EXOC3L2: variants seen among roughly 807,000 people sequenced by gnomAD.
EXOC3L2 encodes the protein exocyst complex component 3 like 2.
A neutral mutation model predicts 44.4 loss-of-function variants in EXOC3L2; 17 were observed. That is an observed-to-expected ratio of 0.38 (90% CI 0.26 to 0.57). EXOC3L2 has a LOEUF of 0.57. Ranked by LOEUF, EXOC3L2 falls within the 20% of genes least tolerant of loss-of-function variation. EXOC3L2 has a pLI of 0.65. For missense variants in EXOC3L2, 541 were observed against 588.4 expected, an observed-to-expected ratio of 0.92 and a Z score of 0.83; for synonymous variants, 256 against 253.7, an observed-to-expected ratio of 1.01 and a Z score of -0.09.
At chr19:45,225,648 GT>G (rs1969952305) in intron 7 of EXOC3L2, among the ~76,000 whole-genome samples, 1 of 132,382 alleles carries the variant, frequency 7.6e-6, no homozygotes, top group Admixed American at 7.9e-5. Context: ...TTGAGACACA[GT>G]TTTGCTCTTG....
rs562182168 is a variant in EXOC3L2, at chr19:45,241,819, C to T, written c.-16-2758G>A. ...CCAGTCCCTGGGTTCCCACACCTCA[C>T]CTCTGCCTGCTCTGGGTCATCCCTG... On this transcript the variant is annotated intron_variant, in intron 1 of 11. Coordinates refer to ENST00000413988, the MANE Select transcript of EXOC3L2 (RefSeq NM_001382422.1). Among the ~76,000 whole-genome samples the T allele has an allele frequency of 3.5e-4, 54 of 152,354 alleles. No individual in the cohort carries two copies. The Middle Eastern group carries it at 0.01, about 29-fold the overall frequency.
At chr19:45,224,388 G>A (rs1473949617) in intron 8 of EXOC3L2, among the ~76,000 whole-genome samples, 1 of 152,018 alleles carries the variant, frequency 6.6e-6, no homozygotes, top group African/African-American at 2.4e-5. Flanking sequence ...CACTCCCCCT[G>A]CAGTCTCTCT....
At chr19:45,226,999 C>T (rs1188641582) in intron 7 of EXOC3L2, among the ~76,000 whole-genome samples, 7 of 148,424 alleles carry the variant, frequency 4.7e-5, no homozygotes, top group South Asian at 2.1e-4. Context: ...ATGATCTACC[C>T]GCCTCGGCCT....
chr19:45,218,306 T>C lies in EXOC3L2; in HGVS notation c.1733A>G (p.Lys578Arg), dbSNP rs752034260. 6.8e-6 allele frequency: 11 copies of C among 1,606,378 alleles called. No homozygotes were observed. The highest frequency in any genetic ancestry group is 9.3e-6 in the Non-Finnish European group (11 of 1,176,910). ...LFQELQPHFN[K>R]LMRRKWLSSP... Reference sequence around the variant, plus strand: ...GCTCAGCCACTTCCGGCGCATCAGCTTGTTGAAGTGTGGCTGGCAGGGACA... The same window carrying C: ...GCTCAGCCACTTCCGGCGCATCAGCCTGTTGAAGTGTGGCTGGCAGGGACA... The change falls in exon 9 of 12, where the codon AAG (lysine) becomes AGG (arginine). Residue 578 changes from lysine (K) to arginine (R), a missense_variant. Coordinates refer to ENST00000413988, the MANE Select transcript of EXOC3L2 (RefSeq NM_001382422.1).
intron 6 of EXOC3L2, 42 bp downstream of exon 6, chr19:45,227,932 C>A: frequency 6.3e-7 from 1 of 1,595,960 alleles, no homozygotes; most frequent in Non-Finnish European, 8.5e-7. Context: ...CCCTGATGCC[C>A]AACCCCCAGC....
Position 45,212,865 on chromosome 19 carries a change from G to T in EXOC3L2, c.*204C>A, listed in dbSNP as rs765640635. 4.3e-5 allele frequency: 23 copies of T among 538,076 alleles called. No homozygotes were observed. The highest frequency in any genetic ancestry group is 5.8e-5 in the Non-Finnish European group (19 of 329,598). 33.3% of individuals were successfully genotyped at this position (538,076 alleles called of 1,614,324 possible). A position where few individuals can be genotyped will look rare whatever the true frequency, so the allele number is the denominator to read the frequency against. ...TCCTCCGGCCTCAGCCTCCCAAAGT[G>T]TTGGGATTACAGGCATGAGCCACCG... is the stretch of plus-strand genomic sequence containing the variant. On this transcript the variant is annotated 3_prime_UTR_variant, in exon 12 of 12. Coordinates refer to ENST00000413988, the MANE Select transcript of EXOC3L2 (RefSeq NM_001382422.1).
chr19:45,224,964 A>T, intron 7 of EXOC3L2, 51 bp from the exon 8 acceptor site: 1 of 1,486,576 alleles, frequency 6.7e-7, no homozygotes, highest in Admixed American at 2.3e-5. Context: ...TCTCAGCCCA[A>T]CTGCCTAGGC....
intron 10 of EXOC3L2, 130 bp from the exon 11 acceptor site, chr19:45,216,324 C>G (rs922197219): frequency 3.8e-6 from 5 of 1,326,298 alleles, no homozygotes; most frequent in Non-Finnish European, 5.0e-6. Context: ...GCCTGTAATC[C>G]CAGCACTTTG....
intron 11 of EXOC3L2, among the ~76,000 whole-genome samples, chr19:45,213,704 G>C (rs571520876): frequency 5.3e-5 from 8 of 152,174 alleles, no homozygotes; most frequent in African/African-American, 1.9e-4. Context: ...CAGCACTTTG[G>C]GGGGCCAAGG....
In EXOC3L2 at chr19:45,238,788, G is replaced by A. The variant is rs1660861147; in HGVS notation, c.258C>T (p.Arg86=). ...RAGSPGDGQP[R]SFLGRVLVPG... is the part of the protein sequence containing the mutation. ...GTACCAGCACACGGCCCAAGAAAGAGCGGGGCTGCCCATCCCCAGGGCTGC... is the reference window on the plus strand; with the variant it reads ...GTACCAGCACACGGCCCAAGAAAGAACGGGGCTGCCCATCCCCAGGGCTGC... The change falls in exon 2 of 12, where the codon CGC becomes CGT. Residue 86 remains arginine, a synonymous_variant. Coordinates refer to ENST00000413988, the MANE Select transcript of EXOC3L2 (RefSeq NM_001382422.1). The surrounding 1 kb of genome is among the most constrained non-coding windows in gnomAD (Gnocchi z 5.5). 1 of 398,854 alleles carries A rather than the reference G, an allele frequency of 2.5e-6. No individual in the cohort carries two copies. The highest frequency in any genetic ancestry group is 4.4e-5 in the Admixed American group (1 of 22,714). 24.7% of individuals were successfully genotyped at this position (398,854 alleles called of 1,614,324 possible). A position where few individuals can be genotyped will look rare whatever the true frequency, so the allele number is the denominator to read the frequency against.
At chr19:45,239,832 T>C (rs1417598451) in intron 1 of EXOC3L2, among the ~76,000 whole-genome samples, 1 of 152,022 alleles carries the variant, frequency 6.6e-6, no homozygotes, top group Non-Finnish European at 1.5e-5. Context: ...GAATATTCTC[T>C]ATCTTAAGTT....
intron 2 of EXOC3L2, among the ~76,000 whole-genome samples, chr19:45,236,904 T>C (rs1340258334): frequency 2.1e-5 from 3 of 142,488 alleles, no homozygotes; most frequent in East Asian, 2.1e-4. Flanking sequence ...ACTCAGGAGG[T>C]TGAGACAGGA....
chr19:45,242,695 C>G (rs1970139773), intron 1 of EXOC3L2, among the ~76,000 whole-genome samples: 1 of 151,998 alleles, frequency 6.6e-6, no homozygotes, highest in Admixed American at 6.6e-5. Context: ...AACCCTGCCT[C>G]TACTAAAAAC....
intron 3 of EXOC3L2, among the ~76,000 whole-genome samples, chr19:45,233,935 G>A (rs1970055623): frequency 6.6e-6 from 1 of 152,154 alleles, no homozygotes; most frequent in Non-Finnish European, 1.5e-5. Flanking sequence ...TGAGGTTTTT[G>A]GACCACAGTG....
intron 4 of EXOC3L2, among the ~76,000 whole-genome samples, chr19:45,230,577 G>C (rs1970020450): frequency 6.6e-6 from 1 of 151,726 alleles, no homozygotes; most frequent in East Asian, 1.9e-4. Context: ...TTGAACTCCT[G>C]GCCTCAAGAA....
chr19:45,220,328 G>A lies in EXOC3L2; in HGVS notation c.1720-2009C>T, dbSNP rs530045388. ...TTTTTTTTTGTTTGTTTAATTAGCT[G>A]GGCATGGTGGCCCACACTGTGGTCC... On this transcript the variant is annotated intron_variant, in intron 8 of 11. Coordinates refer to ENST00000413988, the MANE Select transcript of EXOC3L2 (RefSeq NM_001382422.1). Among the ~76,000 whole-genome samples the A allele has an allele frequency of 2.0e-3, 298 of 151,360 alleles. 1 individual carries two copies. Among genetic ancestry groups the A allele is most frequent in the African/African-American group, 6.9e-3 (285 of 41,120 alleles).
intron 1 of EXOC3L2, among the ~76,000 whole-genome samples, chr19:45,240,084 T>C (rs994808157): frequency 6.6e-6 from 1 of 150,722 alleles, no homozygotes; most frequent in Non-Finnish European, 1.5e-5. Context: ...GGGAAATGTC[T>C]AGAATAGGCA....
intron 7 of EXOC3L2, 105 bp from the exon 8 acceptor site, chr19:45,225,018 T>TC: frequency 1.5e-6 from 2 of 1,306,076 alleles, no homozygotes; most frequent in South Asian, 4.6e-5. Context: ...GGGTGACAGG[T>TC]CAGATGGGGG....
In EXOC3L2 at chr19:45,234,786, C is replaced by T. The variant is rs1970066896; in HGVS notation, c.564G>A (p.Ala188=). ...GCTCCAGGATGTGCTCGTCCGCACGCGCTAGTTCGCGCTGCTGGATCAGGC... is the reference window on the plus strand; with the variant it reads ...GCTCCAGGATGTGCTCGTCCGCACGTGCTAGTTCGCGCTGCTGGATCAGGC... ...ILSLIQQREL[A]RADEHILELE... is the part of the protein sequence containing the mutation. Residue 188 remains alanine, a synonymous_variant, in exon 3 of 12, where the codon GCG becomes GCA. Transcript: ENST00000413988. This position sits in a 1 kb window ranked among gnomAD's most constrained non-coding sequence, Gnocchi z 5.0. 1 of 396,288 alleles carries T rather than the reference C, an allele frequency of 2.5e-6. No individual in the cohort carries two copies. The highest frequency in any genetic ancestry group is 3.6e-5 in the East Asian group (1 of 27,892). The allele number at this position is 396,288 out of a possible 1,614,324, so 24.5% of individuals were successfully genotyped here.
Sources: gnomAD v4.1 joint callset for allele counts (sites outside exome capture counted in the v4.1 genomes callset) on GRCh38, gnomAD v4.1.1 for gene constraint, Gnocchi (gnomAD v3.1) non-coding constraint, MANE v1.5 for transcripts, NCBI Gene and HGNC (gene_info 2026-07-23, HGNC 2026-07-21) for gene names.